Variants in CENPI observed in about 807,000 individuals in gnomAD.
The protein encoded by CENPI is centromere protein I.
CENPI carries 4 observed loss-of-function variants against 60.4 expected under a neutral mutation model. That is an observed-to-expected ratio of 0.07 (90% CI 0.03 to 0.15). CENPI has a LOEUF of 0.15. Among genes scored for constraint, CENPI ranks in the 10% least tolerant of loss-of-function variants. The pLI is 1.00. For synonymous variants in CENPI, 157 were observed against 189.4 expected (o/e 0.83, Z 1.40); for missense variants, 444 against 534.5 (o/e 0.83, Z 1.67).
At chrX:101,158,632 C>CT (rs762674216) in intron 20 of CENPI, among the ~76,000 whole-genome samples, 176 of 88,213 alleles carry the variant, frequency 2.0e-3, no homozygotes, top group South Asian at 3.7e-3. Flanking sequence ...ATAGAGATCA[C>CT]TTTTTTTTTT....
intron 16 of CENPI, among the ~76,000 whole-genome samples, chrX:101,144,641 C>T (rs1666344651): frequency 9.0e-6 from 1 of 111,127 alleles, no homozygotes. Flanking sequence ...CCTTCGCCTC[C>T]CTAAGTGCTG....
chrX:101,177,659 T>G, the CENPI span, among the ~76,000 whole-genome samples: 1 of 112,082 alleles, frequency 8.9e-6, no homozygotes, highest in Admixed American at 9.4e-5. Flanking sequence ...CATATGCAGG[T>G]GGGTGCTCAC....
At chrX:101,177,566 C>A in the CENPI span, among the ~76,000 whole-genome samples, 3 of 111,837 alleles carry the variant, frequency 2.7e-5, no homozygotes, top group African/African-American at 9.8e-5. Context: ...AAGCTCAAGG[C>A]AGAATGATTG....
intron 20 of CENPI, among the ~76,000 whole-genome samples, chrX:101,150,488 T>C (rs2089998086): frequency 9.1e-6 from 1 of 109,918 alleles, no homozygotes; most frequent in South Asian, 3.9e-4. Context: ...CTCCCATCTC[T>C]GCCTCCCAAG....
At chrX:101,118,246 G>A (rs926935812) in intron 6 of CENPI, among the ~76,000 whole-genome samples, 1 of 111,383 alleles carries the variant, frequency 9.0e-6, no homozygotes, top group Non-Finnish European at 1.9e-5. Flanking sequence ...TCTATACAAC[G>A]GTGAAAGAGT....
chrX:101,178,319 A>G, the CENPI span, among the ~76,000 whole-genome samples: 3 of 108,741 alleles, frequency 2.8e-5, no homozygotes, highest in African/African-American at 1.0e-4. Flanking sequence ...GTTCTTTGTG[A>G]AGGTGAGTAC....
chrX:101,136,219 G>A (rs1303015947), intron 15 of CENPI, among the ~76,000 whole-genome samples: 1 of 111,962 alleles, frequency 8.9e-6, no homozygotes, highest in African/African-American at 3.2e-5. Flanking sequence ...ACAGTGTCCT[G>A]GTTTGGTGGT....
At chrX:101,134,970 C>A (rs902650700) in intron 15 of CENPI, among the ~76,000 whole-genome samples, 10 of 108,996 alleles carry the variant, frequency 9.2e-5, no homozygotes, top group Non-Finnish European at 1.7e-4. Flanking sequence ...GCCGAGGTTG[C>A]ACCACTGCAC....
chrX:101,113,508 G>A (rs2089581895), intron 6 of CENPI, among the ~76,000 whole-genome samples: 1 of 110,781 alleles, frequency 9.0e-6, no homozygotes, highest in African/African-American at 3.3e-5. Flanking sequence ...AGTAGAGACA[G>A]GGTTTCTCCA....
In CENPI at chrX:101,163,553, T is replaced by C. The variant is rs2090128769; in HGVS notation, c.*586T>C. On this transcript the variant is annotated 3_prime_UTR_variant, in exon 22 of 22. Transcript: ENST00000682095. The stretch of plus-strand genomic sequence containing the variant: ...ACATTCCCGTATATGTCTGATTTCA[T>C]GGAACTGCTCTATTTTGTTTGTGTG... 8.6e-6 allele frequency: 1 copy of C among 115,717 alleles called. No homozygotes were observed. Among genetic ancestry groups the C allele is most frequent in the Admixed American group, 9.3e-5 (1 of 10,743 alleles). The allele number at this position is 115,717 out of a possible 1,213,427, so 9.5% of individuals were successfully genotyped here.
rs1355046518 is a variant in CENPI at position 101,164,936 on chromosome X, A to G, written c.*1969A>G. On this transcript the variant is annotated 3_prime_UTR_variant, in exon 22 of 22. Transcript: ENST00000682095. ...GGTTTGGGAAAGCCTGTTTGAAGAG[A>G]TGACATATGCAGAGGCCCCAGTGAA... Among the ~76,000 whole-genome samples the G allele has an allele frequency of 8.9e-6, 1 of 112,053 alleles. No individual in the cohort carries two copies. The highest frequency in any genetic ancestry group is 3.2e-5 in the African/African-American group (1 of 30,873).
intron 15 of CENPI, 34 bp downstream of exon 15, chrX:101,132,490 G>A (rs1444525620): frequency 3.8e-6 from 4 of 1,065,459 alleles, no homozygotes; most frequent in South Asian, 1.9e-5. Context: ...GATTCAATAG[G>A]ATGTATTATT....
intron 8 of CENPI, among the ~76,000 whole-genome samples, chrX:101,122,062 C>A (rs762886279): frequency 9.0e-6 from 1 of 111,282 alleles, no homozygotes; most frequent in Non-Finnish European, 1.9e-5. Flanking sequence ...GCCTTGGCCT[C>A]CCAAAGTGCT....
In CENPI at chrX:101,166,038, T is replaced by G; in HGVS notation, c.*3071T>G. Reference sequence around the variant, plus strand: ...CTAAACTTAAATTTATGAAAAATAATTTTTCCCTTAGGTTTGTCTTTTTGT... The same window carrying G: ...CTAAACTTAAATTTATGAAAAATAAGTTTTCCCTTAGGTTTGTCTTTTTGT... On this transcript the variant is annotated 3_prime_UTR_variant, in exon 22 of 22. Coordinates refer to ENST00000682095, the MANE Select transcript of CENPI (RefSeq NM_001386188.2). Among the ~76,000 whole-genome samples, 1 of 112,608 alleles carries G rather than the reference T, an allele frequency of 8.9e-6. No homozygotes were observed. Among genetic ancestry groups the G allele is most frequent in the Admixed American group, 9.4e-5 (1 of 10,617 alleles).
At chrX:101,143,540 T>G (rs1158031524) in intron 16 of CENPI, among the ~76,000 whole-genome samples, 1 of 112,624 alleles carries the variant, frequency 8.9e-6, no homozygotes, top group East Asian at 2.8e-4. Flanking sequence ...CATATATATA[T>G]TTTGAGATGG....
chrX:101,180,933 A>G, the CENPI span, among the ~76,000 whole-genome samples: 1 of 111,239 alleles, frequency 9.0e-6, no homozygotes, highest in African/African-American at 3.3e-5. Flanking sequence ...CACATGGCTA[A>G]TTTTTATTTT....
At chrX:101,143,612 C>T (rs765419553) in intron 16 of CENPI, among the ~76,000 whole-genome samples, 1 of 112,835 alleles carries the variant, frequency 8.9e-6, no homozygotes, top group Non-Finnish European at 1.9e-5. Flanking sequence ...CTCATTGCAA[C>T]CTCCACCTCC....
rs2089663770 is a variant in CENPI, at chrX:101,120,294, G to A, written c.592-108G>A. 1.3e-5 allele frequency: 5 copies of A among 399,696 alleles called. No individual in the cohort carries two copies. The East Asian group carries it at 2.1e-4, about 17-fold the overall frequency. 32.9% of individuals were successfully genotyped at this position (399,696 alleles called of 1,213,427 possible). Reference sequence around the variant, plus strand: ...TAAAACTATTGTTCAGTGAAGTCCTGAAGGTTTTTTACTTAATCAGCGTAA... The same window carrying A: ...TAAAACTATTGTTCAGTGAAGTCCTAAAGGTTTTTTACTTAATCAGCGTAA... On this transcript the variant is annotated intron_variant, in intron 6 of 21. Coordinates refer to ENST00000682095, the MANE Select transcript of CENPI (RefSeq NM_001386188.2).
chrX:101,101,166 A>G lies in CENPI; in HGVS notation c.96A>G (p.Val32=), dbSNP rs776044795. 21 of 1,208,703 alleles carry G rather than the reference A, an allele frequency of 1.7e-5. No individual in the cohort carries two copies. The East Asian group carries it at 6.2e-4, about 36-fold the overall frequency. ...AGACCACGCTTTCAGCCTGGAAAGT[A>G]AAACAGGATCCAAGCAACTCGAAGA... ...SFQTTLSAWK[V]KQDPSNSKNI... Residue 32 remains valine, a synonymous_variant, in exon 3 of 22, where the codon GTA becomes GTG. Transcript: ENST00000682095.
Sources: allele counts gnomAD v4.1 joint callset (sites outside exome capture counted in the v4.1 genomes callset), GRCh38; gene constraint gnomAD v4.1.1; transcripts MANE v1.5; gene names NCBI Gene and HGNC (gene_info 2026-07-23, HGNC 2026-07-21).